The following DLG1 variants were observed in gnomAD, a reference collection of about 807,000 sequenced individuals.
DLG1 encodes disks large homolog 1.
Under a neutral mutation model 123.4 loss-of-function variants are expected in DLG1, and 42 were observed. The ratio of observed to expected loss-of-function variants is 0.34; its 90% CI spans 0.27 to 0.44. The LOEUF (loss-of-function observed/expected upper bound fraction) is 0.44. DLG1 is among the 20% of genes least tolerant of loss of function. The pLI, the probability that DLG1 is intolerant of heterozygous loss-of-function variation, is 1.00. For missense variants in DLG1, 942 were observed against 1,082.6 expected, an observed-to-expected ratio of 0.87 and a Z score of 1.82; for synonymous variants, 317 against 356.2, an observed-to-expected ratio of 0.89 and a Z score of 1.24.
At chr3:197,297,276 G>A (rs1777893933) in intron 1 of DLG1, 41 bp from the exon 2 acceptor site, 3 of 1,608,504 alleles carry the variant, frequency 1.9e-6, no homozygotes, top group Admixed American at 1.7e-5. Context: ...ATAGAATCAT[G>A]TTAAACTAGC....
chr3:197,118,427 CAA>C (rs1774464463), intron 12 of DLG1, among the ~76,000 whole-genome samples: 1 of 152,130 alleles, frequency 6.6e-6, no homozygotes, highest in African/African-American at 2.4e-5. Flanking sequence ...CAATTACTGA[CAA>C]CCTATTAAGT....
At chr3:197,280,071 G>C (rs1019165048) in intron 4 of DLG1, among the ~76,000 whole-genome samples, 1 of 152,048 alleles carries the variant, frequency 6.6e-6, no homozygotes, top group Non-Finnish European at 1.5e-5. Flanking sequence ...CTGTGCTACT[G>C]AACAGTAGAA....
intron 5 of DLG1, 30 bp downstream of exon 5, chr3:197,194,395 C>A: frequency 1.4e-6 from 2 of 1,428,832 alleles, no homozygotes; most frequent in Non-Finnish European, 1.9e-6. Flanking sequence ...ATATGTAATT[C>A]ATAACAATAA....
chr3:197,276,533 C>T (rs1766516530), intron 4 of DLG1, among the ~76,000 whole-genome samples: 1 of 152,152 alleles, frequency 6.6e-6, no homozygotes. Context: ...GGCTTATTGG[C>T]CCACATTTAT....
At chr3:197,234,933 A>G (rs1031792671) in intron 4 of DLG1, among the ~76,000 whole-genome samples, 1 of 152,166 alleles carries the variant, frequency 6.6e-6, no homozygotes, top group Non-Finnish European at 1.5e-5. Context: ...AACCAGCTTA[A>G]ATCTATTGTG....
intron 4 of DLG1, among the ~76,000 whole-genome samples, chr3:197,259,324 G>C (rs1051910708): frequency 2.0e-5 from 3 of 152,138 alleles, no homozygotes; most frequent in African/African-American, 4.8e-5. Context: ...GTCTGTATCC[G>C]ATCAGAAACT....
At chr3:197,263,132 G>A (rs946641218) in intron 4 of DLG1, among the ~76,000 whole-genome samples, 10 of 152,266 alleles carry the variant, frequency 6.6e-5, no homozygotes, top group East Asian at 5.8e-4. Flanking sequence ...TGCATTTTGC[G>A]AAGAAAAATA....
chr3:197,104,829 TTATTAAA>T lies in DLG1; in HGVS notation c.1546+67_1546+73del, dbSNP rs1483590274. On this transcript the variant is annotated intron_variant, in intron 14 of 24. Transcript: ENST00000667157. ...GGAAGTTTAGCTTGGAAGTTAAACA[TTATTAAA>T]TATTAAAGAGGAAGAATTTTAAAAA... 43 of 1,038,240 alleles carry T rather than the reference TTATTAAA, an allele frequency of 4.1e-5. No individual in the cohort carries two copies. In the South Asian group the frequency reaches 5.8e-4, roughly 14 times the overall value. 64.3% of individuals were successfully genotyped at this position (1,038,240 alleles called of 1,614,324 possible).
intron 4 of DLG1, among the ~76,000 whole-genome samples, chr3:197,213,290 C>CT (rs147611666): frequency 0.058 from 8,890 of 152,010 alleles, 421 homozygotes; most frequent in Admixed American, 0.13. Context: ...TTATTAGGAG[C>CT]TTTTTTTTAA....
Position 197,140,140 on chromosome 3 carries a change from C to A in DLG1, c.713G>T (p.Arg238Leu). 6.2e-7 allele frequency: 1 copy of A among 1,611,670 alleles called. No homozygotes were observed. Among genetic ancestry groups the A allele is most frequent in the Non-Finnish European group, 8.5e-7 (1 of 1,178,826 alleles). ...TCACAATAAAAAGCGCAAAACATAC[C>A]GCAATCTTCCATCTTGGGCGGCTGC... ...GGAAAQDGRLRVNDCILRVNE... is the reference protein window; with the variant it reads ...GGAAAQDGRLLVNDCILRVNE... The change falls in exon 8 of 25, where the codon CGG (arginine) becomes CTG (leucine). Residue 238 changes from arginine (R) to leucine (L), a missense_variant and splice_region_variant. Transcript: ENST00000667157.
At chr3:197,113,715 T>A (rs1231716394) in intron 13 of DLG1, among the ~76,000 whole-genome samples, 1 of 152,218 alleles carries the variant, frequency 6.6e-6, no homozygotes, top group Non-Finnish European at 1.5e-5. Context: ...CTTAAAATCG[T>A]AGCTTTTAAG....
chr3:197,057,552 C>T (rs1189892749), intron 23 of DLG1, among the ~76,000 whole-genome samples: 3 of 151,974 alleles, frequency 2.0e-5, no homozygotes, highest in Non-Finnish European at 4.4e-5. Flanking sequence ...AATGAAGATG[C>T]ACCAATCTGC....
intron 3 of DLG1, among the ~76,000 whole-genome samples, chr3:197,291,728 T>A (rs554325980): frequency 9.2e-5 from 14 of 152,298 alleles, no homozygotes; most frequent in African/African-American, 3.4e-4. Context: ...CATCTGAGGG[T>A]CCAAGGGCAA....
At chr3:197,120,691 A>G (rs754144013) in intron 11 of DLG1, among the ~76,000 whole-genome samples, 2 of 152,266 alleles carry the variant, frequency 1.3e-5, no homozygotes, top group African/African-American at 4.8e-5. Flanking sequence ...GTGGCCAGAT[A>G]GGTAACATAA....
At chr3:197,196,171 CAAAA>C (rs71162001) in intron 4 of DLG1, among the ~76,000 whole-genome samples, 26,594 of 89,722 alleles carry the variant, frequency 0.3, 1,909 homozygotes, top group South Asian at 0.34. Flanking sequence ...AAATGCACAC[CAAAA>C]AAAAAAAAAA....
chr3:197,141,241 G>C (rs1242638064), intron 7 of DLG1, among the ~76,000 whole-genome samples: 3 of 152,024 alleles, frequency 2.0e-5, no homozygotes, highest in Admixed American at 6.6e-5. Context: ...TGAATCTTAA[G>C]AACAGTACCA....
chr3:197,258,861 A>C (rs1561734581), intron 4 of DLG1, among the ~76,000 whole-genome samples: 1 of 152,188 alleles, frequency 6.6e-6, no homozygotes, highest in East Asian at 1.9e-4. Flanking sequence ...AACTACAAAC[A>C]ATGTTTTAGG....
intron 21 of DLG1, 128 bp downstream of exon 21, chr3:197,065,580 T>TA: frequency 9.9e-7 from 1 of 1,006,576 alleles, no homozygotes; most frequent in Non-Finnish European, 1.5e-6. Flanking sequence ...GACAATAATA[T>TA]GGAGGATGGA....
At chr3:197,293,820 A>C (rs1776083199) in intron 3 of DLG1, 3 of 153,808 alleles carry the variant, frequency 2.0e-5, no homozygotes, top group Admixed American at 6.6e-5. Context: ...CAATGACTCC[A>C]AACAGCTCAG....
Sources: gnomAD v4.1 joint callset for allele counts (sites outside exome capture counted in the v4.1 genomes callset) on GRCh38, gnomAD v4.1.1 for gene constraint, MANE v1.5 for transcripts, NCBI Gene and HGNC (gene_info 2026-07-23, HGNC 2026-07-21) for gene names.